The following LRMDA variants were observed in gnomAD, a reference collection of about 807,000 sequenced individuals.
The protein encoded by LRMDA is leucine-rich melanocyte differentiation-associated protein.
A neutral mutation model predicts 29.8 loss-of-function variants in LRMDA; 18 were observed. The observed-to-expected ratio is 0.60, with a 90% CI of 0.42 to 0.90. The LOEUF (loss-of-function observed/expected upper bound fraction) is 0.90. LRMDA is among the 40% of genes least tolerant of loss of function. LRMDA has a pLI of 0.00. For missense variants in LRMDA, 273 were observed against 273.9 expected (o/e 1.00, Z 0.02); for synonymous variants, 125 against 109.4 (o/e 1.14, Z -0.89).
intron 6 of LRMDA, among the ~76,000 whole-genome samples, chr10:76,499,407 A>G (rs1274356045): frequency 1.3e-5 from 1 of 75,580 alleles, no homozygotes; most frequent in Non-Finnish European, 4.4e-5. Context: ...ATCATATTAT[A>G]GCCCATGTCA....
intron 2 of LRMDA, among the ~76,000 whole-genome samples, chr10:75,512,123 A>T (rs1845232717): frequency 6.6e-6 from 1 of 152,200 alleles, no homozygotes; most frequent in Non-Finnish European, 1.5e-5. Context: ...CTGTTTGGAC[A>T]AGTACATCAA....
chr10:75,459,000 A>ATTTT (rs35375766), intron 2 of LRMDA, among the ~76,000 whole-genome samples: 2 of 148,464 alleles, frequency 1.3e-5, no homozygotes, highest in African/African-American at 2.5e-5. Flanking sequence ...TCTGCTTTAG[A>ATTTT]TTTTTTTTTT....
At chr10:76,292,423 C>A (rs1244069857) in intron 5 of LRMDA, among the ~76,000 whole-genome samples, 1 of 152,084 alleles carries the variant, frequency 6.6e-6, no homozygotes, top group Non-Finnish European at 1.5e-5. Context: ...TTTTACCCCA[C>A]CATGTTGCTT....
intron 2 of LRMDA, among the ~76,000 whole-genome samples, chr10:75,716,735 A>G (rs1214280073): frequency 1.3e-5 from 2 of 152,126 alleles, no homozygotes; most frequent in African/African-American, 4.8e-5. Flanking sequence ...GCTCAGGTCC[A>G]TCTTCATAAA....
chr10:76,273,462 G>A lies in LRMDA; in HGVS notation c.517-50939G>A, dbSNP rs145094831. Among the ~76,000 whole-genome samples the A allele has an allele frequency of 1.8e-3, 275 of 152,260 alleles. 2 individuals are homozygous for A. The highest frequency in any genetic ancestry group is 5.9e-3 in the African/African-American group (246 of 41,554). On this transcript the variant is annotated intron_variant, in intron 5 of 6. Transcript: ENST00000611255. ...ACACCAACGATTTCTTTCAGAGTTT[G>A]TTAAAATCACGTTGCCTTTTTTACT...
chr10:75,862,993 T>C (rs1844958440), intron 2 of LRMDA, among the ~76,000 whole-genome samples: 1 of 152,086 alleles, frequency 6.6e-6, no homozygotes, highest in South Asian at 2.1e-4. Context: ...TGTTTGGTCC[T>C]GGCTTATAAA....
rs563659605 is a variant in LRMDA at position 76,003,369 on chromosome 10, CCCTCTCTCTCTACCAT to C, written c.132-32630_132-32615del. On this transcript the variant is annotated intron_variant, in intron 2 of 6. Transcript: ENST00000611255. ...AGTGGAAGGAACGTCCCCTGGCCCA[CCCTCTCTCTCTACCAT>C]CCTCTCTCCCTTCCTTCTGCCACTC... Among the ~76,000 whole-genome samples, 275 of 152,256 alleles carry C rather than the reference CCCTCTCTCTCTACCAT, an allele frequency of 1.8e-3. 2 individuals carry two copies. The highest frequency in any genetic ancestry group is 6.2e-3 in the African/African-American group (258 of 41,564).
chr10:75,906,161 C>T (rs1287895809), intron 2 of LRMDA, among the ~76,000 whole-genome samples: 1 of 151,992 alleles, frequency 6.6e-6, no homozygotes, highest in East Asian at 1.9e-4. Flanking sequence ...CTTCACTTAT[C>T]AAATGAGAAT....
chr10:76,455,500 T>G (rs1842447930), intron 6 of LRMDA, among the ~76,000 whole-genome samples: 1 of 152,218 alleles, frequency 6.6e-6, no homozygotes, highest in Middle Eastern at 3.4e-3. Context: ...GTAAAAACAC[T>G]GATGGGCTAG....
chr10:76,477,474 G>T (rs1842687079), intron 6 of LRMDA, among the ~76,000 whole-genome samples: 2 of 151,890 alleles, frequency 1.3e-5, no homozygotes, highest in African/African-American at 2.4e-5. Flanking sequence ...TGGCCATACT[G>T]CCCAAGGTAA....
At chr10:76,386,882 G>GTAGAAAT (rs1346002804) in intron 6 of LRMDA, among the ~76,000 whole-genome samples, 1 of 151,962 alleles carries the variant, frequency 6.6e-6, no homozygotes, top group Non-Finnish European at 1.5e-5. Flanking sequence ...AAAAAATCCA[G>GTAGAAAT]TAGAAATGTT....
intron 5 of LRMDA, among the ~76,000 whole-genome samples, chr10:76,068,667 C>T (rs1848826410): frequency 6.6e-6 from 1 of 152,208 alleles, no homozygotes; most frequent in Admixed American, 6.5e-5. Context: ...CAGACCAGTA[C>T]ATGTCTGTAG....
chr10:75,436,329 C>T (rs947872665), intron 1 of LRMDA, among the ~76,000 whole-genome samples: 1 of 152,212 alleles, frequency 6.6e-6, no homozygotes, highest in African/African-American at 2.4e-5. Flanking sequence ...AACTCAACGT[C>T]TCTGCTATAT....
intron 5 of LRMDA, among the ~76,000 whole-genome samples, chr10:76,312,751 G>A (rs936888525): frequency 6.6e-6 from 1 of 151,544 alleles, no homozygotes; most frequent in African/African-American, 2.4e-5. Flanking sequence ...CACAATTTTT[G>A]CTCCCAGAAG....
chr10:76,443,258 A>AT lies in LRMDA; in HGVS notation c.602-113947dup, dbSNP rs369985149. Among the ~76,000 whole-genome samples, 1,031 of 152,310 alleles carry AT rather than the reference A, an allele frequency of 6.8e-3. 10 individuals are homozygous for AT. Among genetic ancestry groups the AT allele is most frequent in the Non-Finnish European group, 0.012 (845 of 68,014 alleles). Reference sequence around the variant, plus strand: ...TTTGTTTGGTTTAAGGGGGCTTTCTATTTTGCATTCTCTTGCAAATGCTGT... The same window carrying AT: ...TTTGTTTGGTTTAAGGGGGCTTTCTATTTTTGCATTCTCTTGCAAATGCTGT... On this transcript the variant is annotated intron_variant, in intron 6 of 6. Coordinates refer to ENST00000611255, the MANE Select transcript of LRMDA (RefSeq NM_001305581.2).
At chr10:76,202,759 A>G (rs775337173) in intron 5 of LRMDA, among the ~76,000 whole-genome samples, 10 of 151,996 alleles carry the variant, frequency 6.6e-5, no homozygotes, top group Non-Finnish European at 1.0e-4. Context: ...TTGATGTGCA[A>G]TCTGGAGGAA....
intron 6 of LRMDA, among the ~76,000 whole-genome samples, chr10:76,511,998 T>C (rs185970004): frequency 1.3e-5 from 2 of 152,178 alleles, no homozygotes; most frequent in African/African-American, 4.8e-5. Context: ...TCCTCTTAAA[T>C]TGTAATCTTG....
At chr10:76,201,091 TTATTTATTTATTTATTTATA>T (rs1205096135) in intron 5 of LRMDA, among the ~76,000 whole-genome samples, 2,990 of 133,550 alleles carry the variant, frequency 0.022, 115 homozygotes, top group African/African-American at 0.089. Context: ...ATTTATTTAT[TTATTTATTTATTTATTTATA>T]TTTAGACGGA....
chr10:76,046,401 T>C (rs1848439290), intron 3 of LRMDA, among the ~76,000 whole-genome samples: 1 of 152,180 alleles, frequency 6.6e-6, no homozygotes, highest in South Asian at 2.1e-4. Context: ...CTCTGACTTT[T>C]CTCTTTCATT....
Sources: allele counts gnomAD v4.1 joint callset (sites outside exome capture counted in the v4.1 genomes callset), GRCh38; gene constraint gnomAD v4.1.1; transcripts MANE v1.5; gene names NCBI Gene and HGNC (gene_info 2026-07-23, HGNC 2026-07-21).